The following PHF14 variants were observed in gnomAD, a reference collection of about 807,000 sequenced individuals.
PHF14 encodes PHD finger protein 14.
A neutral mutation model predicts 117.9 loss-of-function variants in PHF14; 55 were observed. That is an observed-to-expected ratio of 0.47 (90% CI 0.38 to 0.58). The LOEUF is 0.58. Ranked by LOEUF, PHF14 falls within the 20% of genes least tolerant of loss-of-function variation. The probability of loss-of-function intolerance (pLI) is 0.00; values close to 1 mark genes in which losing one functional copy is unlikely to be tolerated. For missense variants in PHF14, 978 were observed against 1,122.2 expected (o/e 0.87, Z 1.84); for synonymous variants, 409 against 368.6 (o/e 1.11, Z -1.26).
chr7:11,072,214 T>A, intron 16 of PHF14, among the ~76,000 whole-genome samples: 1 of 152,120 alleles, frequency 6.6e-6, no homozygotes, highest in Non-Finnish European at 1.5e-5. Context: ...AGGCATCTTA[T>A]GTGGCAGGGG....
In PHF14 at chr7:11,041,725, A is replaced by G. The variant is rs1784511227; in HGVS notation, c.2180+950A>G. 2.0e-5 allele frequency among the ~76,000 whole-genome samples: 3 copies of G among 151,966 alleles called. No homozygotes were observed. The South Asian group carries it at 6.2e-4, about 31-fold the overall frequency. ...TTTCAAACACGGTTGGTTCATTTGG[A>G]ACCATCAGGCAATATCACTATGCTT... is the stretch of plus-strand genomic sequence containing the variant. On this transcript the variant is annotated intron_variant, in intron 12 of 17. Coordinates refer to ENST00000634607, the MANE Select transcript of PHF14 (RefSeq NM_001007157.2).
At chr7:11,016,916 G>A (rs1336354667) in intron 5 of PHF14, among the ~76,000 whole-genome samples, 5 of 151,826 alleles carry the variant, frequency 3.3e-5, no homozygotes, top group South Asian at 2.1e-4. Flanking sequence ...CCTTCCCAAC[G>A]TCTAGTAACC....
At chr7:11,074,555 C>G (rs1785755456) in intron 16 of PHF14, among the ~76,000 whole-genome samples, 1 of 152,184 alleles carries the variant, frequency 6.6e-6, no homozygotes, top group Non-Finnish European at 1.5e-5. Flanking sequence ...TGTATCGATT[C>G]ATAGGCTGTT....
chr7:11,043,888 T>C, intron 13 of PHF14, among the ~76,000 whole-genome samples: 1 of 152,058 alleles, frequency 6.6e-6, no homozygotes. Context: ...CATGAACTTA[T>C]ATAGAGTTAT....
intron 11 of PHF14, among the ~76,000 whole-genome samples, chr7:11,040,150 T>C (rs1390346215): frequency 6.6e-6 from 1 of 152,136 alleles, no homozygotes; most frequent in African/African-American, 2.4e-5. Flanking sequence ...TGAACAGATG[T>C]GGGCCCACCA....
chr7:11,019,835 G>A (rs1783671396), intron 5 of PHF14, among the ~76,000 whole-genome samples: 1 of 151,946 alleles, frequency 6.6e-6, no homozygotes, highest in Middle Eastern at 3.2e-3. Flanking sequence ...TTTATTTGAA[G>A]TTTTTTCTCT....
intron 14 of PHF14, among the ~76,000 whole-genome samples, chr7:11,053,306 A>C (rs1169535414): frequency 6.6e-6 from 1 of 152,124 alleles, no homozygotes; most frequent in Non-Finnish European, 1.5e-5. Flanking sequence ...TTATGAGGCA[A>C]ATCTTTATCT....
chr7:10,998,037 G>T (rs1444915139), intron 4 of PHF14, among the ~76,000 whole-genome samples: 1 of 152,130 alleles, frequency 6.6e-6, no homozygotes, highest in African/African-American at 2.4e-5. Context: ...TGTGCTCATG[G>T]AAGTGACCCA....
intron 16 of PHF14, chr7:11,104,791 A>G (rs779969242): frequency 5.0e-5 from 34 of 684,128 alleles, no homozygotes; most frequent in Non-Finnish European, 6.1e-5. Flanking sequence ...GATTTAGTAG[A>G]AAATTTGCAT....
At position 10,985,636 on chromosome 7, in the gene PHF14, C is replaced by CCGGTTTTTT. The variant is rs750860479; in HGVS notation, c.900+2477_900+2478insCGGTTTTTT. On this transcript the variant is annotated intron_variant, in intron 3 of 17. Coordinates refer to ENST00000634607, the MANE Select transcript of PHF14 (RefSeq NM_001007157.2). ...ATACTCTCTAGCAGTGATTCTCAAACTGTTTTTTTTTTTTTTTTTTTTTTT... is the reference window on the plus strand; with the variant it reads ...ATACTCTCTAGCAGTGATTCTCAAACCGGTTTTTTTGTTTTTTTTTTTTTTTTTTTTTTT... Among the ~76,000 whole-genome samples the CCGGTTTTTT allele has an allele frequency of 1.3e-4, 12 of 90,862 alleles. 1 individual carries two copies. The East Asian group carries it at 4.5e-3, about 34-fold the overall frequency. 59.6% of individuals were successfully genotyped at this position (90,862 alleles called of 152,430 possible).
At chr7:11,120,058 CA>C (rs745795275) in intron 17 of PHF14, among the ~76,000 whole-genome samples, 1 of 151,364 alleles carries the variant, frequency 6.6e-6, no homozygotes, top group Non-Finnish European at 1.5e-5. Flanking sequence ...TATTTTTTCC[CA>C]AAAAATTGCC....
intron 17 of PHF14, among the ~76,000 whole-genome samples, chr7:11,163,706 A>G (rs1371417977): frequency 6.6e-6 from 1 of 152,200 alleles, no homozygotes; most frequent in East Asian, 1.9e-4. Flanking sequence ...CATTTTCATT[A>G]TCGTCAGTAT....
intron 16 of PHF14, chr7:11,063,534 A>C (rs1785312518): frequency 1.0e-6 from 1 of 976,182 alleles, no homozygotes; most frequent in South Asian, 4.7e-5. Context: ...AAAAACTTAT[A>C]GAGCTGGTGA....
intron 16 of PHF14, chr7:11,107,870 TAAAG>T: frequency 2.2e-5 from 8 of 371,462 alleles, no homozygotes; most frequent in Non-Finnish European, 3.0e-5. Flanking sequence ...ATGTAAGAAA[TAAAG>T]GTAGAAACCA....
intron 4 of PHF14, among the ~76,000 whole-genome samples, chr7:11,008,487 C>T (rs999501663): frequency 1.3e-5 from 2 of 152,046 alleles, no homozygotes; most frequent in African/African-American, 4.8e-5. Flanking sequence ...CTCCTGGAAG[C>T]GCGAACACTA....
At chr7:11,001,231 A>G (rs1478415184) in intron 4 of PHF14, among the ~76,000 whole-genome samples, 1 of 152,098 alleles carries the variant, frequency 6.6e-6, no homozygotes, top group Non-Finnish European at 1.5e-5. Context: ...TTCTGGGCTC[A>G]GTTTGTTCAT....
chr7:11,136,914 A>G (rs1331681227), intron 17 of PHF14, among the ~76,000 whole-genome samples: 3 of 152,212 alleles, frequency 2.0e-5, no homozygotes, highest in Admixed American at 6.5e-5. Flanking sequence ...CTTATTATAG[A>G]AAACTTGGAG....
chr7:11,071,560 A>G (rs1785612257), intron 16 of PHF14, among the ~76,000 whole-genome samples: 1 of 152,218 alleles, frequency 6.6e-6, no homozygotes, highest in Non-Finnish European at 1.5e-5. Context: ...ACCCATTATA[A>G]GTATAGAGCT....
chr7:10,975,356 CT>C (rs1781824457), intron 2 of PHF14, among the ~76,000 whole-genome samples: 1 of 152,024 alleles, frequency 6.6e-6, no homozygotes, highest in Non-Finnish European at 1.5e-5. Flanking sequence ...GGGAGTTTTG[CT>C]TTTTTTGTGT....
Sources: allele counts gnomAD v4.1 joint callset (sites outside exome capture counted in the v4.1 genomes callset), GRCh38; gene constraint gnomAD v4.1.1; transcripts MANE v1.5; gene names NCBI Gene and HGNC (gene_info 2026-07-23, HGNC 2026-07-21).